The following RNPS1 variants were observed in gnomAD, a reference collection of about 807,000 sequenced individuals.
RNPS1 encodes the protein RNA binding protein with serine rich domain 1.
For synonymous variants in RNPS1, 147 were observed against 150.0 expected (o/e 0.98, Z 0.15); for missense variants, 300 against 427.6 (o/e 0.70, Z 2.63).
At chr16:2,261,946 T>C (rs2093604762) in intron 6 of RNPS1, among the ~76,000 whole-genome samples, 2 of 152,372 alleles carry the variant, frequency 1.3e-5, no homozygotes, top group Admixed American at 6.5e-5. Context: ...TGTACACATA[T>C]GTATAGACAT....
intron 6 of RNPS1, among the ~76,000 whole-genome samples, chr16:2,259,078 G>A (rs2093591099): frequency 6.9e-6 from 1 of 145,764 alleles, no homozygotes; most frequent in Non-Finnish European, 1.5e-5. Flanking sequence ...AGCCAAGATT[G>A]CACCATTGTA....
In RNPS1 at chr16:2,254,470, G is replaced by GT. The variant is rs540324221; in HGVS notation, c.819-408dup. ...CACCACGCACAGCTAATTTTGTTTT[G>GT]TTTTTTTTAGTAGTGACGGGGTTTC... On this transcript the variant is annotated intron_variant, in intron 7 of 7. Transcript: ENST00000320225. Among the ~76,000 whole-genome samples the GT allele has an allele frequency of 1.8e-3, 280 of 151,450 alleles. 2 individuals carry two copies. The highest frequency in any genetic ancestry group is 3.1e-3 in the Non-Finnish European group (208 of 67,782).
intron 1 of RNPS1, chr16:2,266,697 C>T: frequency 2.0e-6 from 2 of 985,444 alleles, no homozygotes; most frequent in Non-Finnish European, 2.4e-6. Flanking sequence ...TTCGAATCAC[C>T]TGCAGCAGCA....
In RNPS1 at chr16:2,264,303, G is replaced by A. The variant is rs997700006; in HGVS notation, c.100C>T (p.Arg34Cys). ...RAPSPTKRKD[R>C]SDEKSKDRSK... ...CGATCCTTGGACTTCTCATCTGAGC[G>A]GTCTTTGCGTTTGGTAGGTGAAGGA... Residue 34 changes from arginine (R) to cysteine (C), a missense_variant, in exon 3 of 8, where the codon CGC becomes TGC. Transcript: ENST00000320225. 5 of 1,614,120 alleles carry A rather than the reference G, an allele frequency of 3.1e-6. No homozygotes were observed. Among genetic ancestry groups the A allele is most frequent in the Non-Finnish European group, 3.4e-6 (4 of 1,180,032 alleles).
At chr16:2,266,896 T>A (rs975828328) in intron 1 of RNPS1, 2 of 223,132 alleles carry the variant, frequency 9.0e-6, no homozygotes, top group African/African-American at 4.7e-5. Flanking sequence ...CTGGTGTGTG[T>A]TTTAATATTT....
chr16:2,255,213 G>A lies in RNPS1; in HGVS notation c.818+372C>T, dbSNP rs369431499. Among the ~76,000 whole-genome samples, 135 of 152,288 alleles carry A rather than the reference G, an allele frequency of 8.9e-4. 4 individuals are homozygous for A. In the South Asian group the frequency reaches 0.027, roughly 30 times the overall value. ...AACGGAAGACCAAACTGTGGCCTCT[G>A]CCGAGGGATTACCACCCCCGCCCCA... On this transcript the variant is annotated intron_variant, in intron 7 of 7. Coordinates refer to ENST00000320225, the MANE Select transcript of RNPS1 (RefSeq NM_080594.4).
At chr16:2,263,808 C>A (rs148463999) in intron 3 of RNPS1, 169 of 276,836 alleles carry the variant, frequency 6.1e-4, no homozygotes, top group African/African-American at 3.6e-3. Flanking sequence ...AACTCCTGGG[C>A]TCAAGCCATC....
chr16:2,261,448 AAGC>A (rs1286218695), intron 6 of RNPS1, among the ~76,000 whole-genome samples: 1 of 152,236 alleles, frequency 6.6e-6, no homozygotes, highest in Non-Finnish European at 1.5e-5. Context: ...TCTCAGCAGG[AAGC>A]AGCCAGAAAG....
chr16:2,260,454 G>C (rs1008375706), intron 6 of RNPS1, among the ~76,000 whole-genome samples: 2 of 151,998 alleles, frequency 1.3e-5, no homozygotes, highest in African/African-American at 2.4e-5. Context: ...AGTTATTTGC[G>C]TAAGTGCAAT....
At position 2,255,689 on chromosome 16, in the gene RNPS1, C is replaced by T. The variant is rs770958650; in HGVS notation, c.714G>A (p.Val238=). 10 of 1,613,822 alleles carry T rather than the reference C, an allele frequency of 6.2e-6. No homozygotes were observed. The highest frequency in any genetic ancestry group is 4.4e-5 in the South Asian group (4 of 91,080). ...IDGQEITATA[V]LAPWPRPPPR... ...GGGGTGGCCTAGGCCAGGGGGCCAG[C>T]ACGGCGGTGGCAGTGATCTCCTGGC... is the stretch of plus-strand genomic sequence containing the variant. The change falls in exon 7 of 8, where the codon GTG becomes GTA. Residue 238 remains valine (V), a synonymous_variant. Transcript: ENST00000320225.
Position 2,262,480 on chromosome 16 carries a change from G to A in RNPS1, c.523-49C>T, listed in dbSNP as rs372892000. On this transcript the variant is annotated intron_variant, in intron 5 of 7. Transcript: ENST00000320225. ...CAACGCCCAGCTACCAGTCAGTCAC[G>A]TCAGACGCAGAGAGCTCAGCACATC... The A allele has an allele frequency of 6.9e-5, 110 of 1,601,160 alleles. No individual in the cohort carries two copies. In the African/African-American group the frequency reaches 1.1e-3, roughly 16 times the overall value.
intron 6 of RNPS1, among the ~76,000 whole-genome samples, chr16:2,260,330 A>AT (rs2093597928): frequency 6.6e-6 from 1 of 151,510 alleles, no homozygotes; most frequent in Non-Finnish European, 1.5e-5. Context: ...TAATTTTTGT[A>AT]TTTTTATTAG....
At chr16:2,256,801 G>A (rs1044478572) in intron 6 of RNPS1, 3 of 152,284 alleles carry the variant, frequency 2.0e-5, no homozygotes, top group Non-Finnish European at 4.4e-5. Context: ...GGGGCTAAGA[G>A]AAGTGGGAGA....
intron 3 of RNPS1, 138 bp from the exon 4 acceptor site, chr16:2,263,425 G>GA: frequency 1.3e-6 from 1 of 782,014 alleles, no homozygotes; most frequent in African/African-American, 1.7e-5. Flanking sequence ...CAGCAGTGGG[G>GA]AAAACATCAC....
intron 3 of RNPS1, 121 bp from the exon 4 acceptor site, chr16:2,263,408 C>T (rs2141578404): frequency 3.3e-6 from 3 of 912,144 alleles, no homozygotes; most frequent in South Asian, 1.6e-5. Context: ...CCAGGCCTCA[C>T]TGCTTTCAGC....
chr16:2,253,911 A>G lies in RNPS1; in HGVS notation c.*53T>C, dbSNP rs1477601881. ...TCTTCCTTTGGCTAGAAAAGTGACA[A>G]AACTGAGCTGGGTGGGGTATAAGTT... On this transcript the variant is annotated 3_prime_UTR_variant, in exon 8 of 8. Coordinates refer to ENST00000320225, the MANE Select transcript of RNPS1 (RefSeq NM_080594.4). 2.0e-6 allele frequency: 3 copies of G among 1,489,812 alleles called. No individual in the cohort carries two copies. Among genetic ancestry groups the G allele is most frequent in the Non-Finnish European group, 2.8e-6 (3 of 1,090,822 alleles). The allele number at this position is 1,489,812 out of a possible 1,614,324, so 92.3% of individuals were successfully genotyped here.
chr16:2,264,334 G>C lies in RNPS1; in HGVS notation c.72-3C>G. ...TGCGTTTGGTAGGTGAAGGAGCCCT[G>C]GATGGTGAGGAAGAGTGTGAGATTG... On this transcript the variant is annotated splice_polypyrimidine_tract_variant and splice_region_variant and intron_variant, in intron 2 of 7. Coordinates refer to ENST00000320225, the MANE Select transcript of RNPS1 (RefSeq NM_080594.4). 6.2e-7 allele frequency: 1 copy of C among 1,614,156 alleles called. No homozygotes were observed. Among genetic ancestry groups the C allele is most frequent in the Non-Finnish European group, 8.5e-7 (1 of 1,180,036 alleles).
At chr16:2,263,048 T>C in intron 4 of RNPS1, 48 bp downstream of exon 4, 1 of 1,586,650 alleles carries the variant, frequency 6.3e-7, no homozygotes, top group Non-Finnish European at 8.6e-7. Flanking sequence ...ATGGTAAATC[T>C]GTAGCCCCGA....
At chr16:2,259,655 T>A (rs1166889324) in intron 6 of RNPS1, among the ~76,000 whole-genome samples, 1 of 152,166 alleles carries the variant, frequency 6.6e-6, no homozygotes, top group Non-Finnish European at 1.5e-5. Flanking sequence ...TTTGGGAGGC[T>A]GAGGCGGGCG....
Sources: allele counts gnomAD v4.1 joint callset (sites outside exome capture counted in the v4.1 genomes callset), GRCh38; gene constraint gnomAD v4.1.1; transcripts MANE v1.5; gene names NCBI Gene and HGNC (gene_info 2026-07-23, HGNC 2026-07-21).